The following SPACA7 variants were observed in gnomAD, a reference collection of about 807,000 sequenced individuals.
The protein encoded by SPACA7 is sperm acrosome associated 7.
In SPACA7, 19 loss-of-function variants were observed where a neutral mutation model predicts 26.3. That is an observed-to-expected ratio of 0.72 (90% confidence interval 0.50 to 1.06). The LOEUF is 1.06. SPACA7 is among the 50% of genes least tolerant of loss of function. The pLI is 0.00. For synonymous variants in SPACA7, 84 were observed against 84.5 expected, an observed-to-expected ratio of 0.99 and a Z score of 0.04; for missense variants, 211 against 229.9, an observed-to-expected ratio of 0.92 and a Z score of 0.53.
chr13:112,388,634 C>T (rs1261882373), intron 1 of SPACA7, among the ~76,000 whole-genome samples: 5 of 152,338 alleles, frequency 3.3e-5, no homozygotes, highest in Non-Finnish European at 7.4e-5. Flanking sequence ...AAATTTGTAA[C>T]CACCCAAGGG....
intron 5 of SPACA7, among the ~76,000 whole-genome samples, chr13:112,401,448 C>T (rs971846101): frequency 1.3e-5 from 2 of 152,092 alleles, no homozygotes; most frequent in African/African-American, 4.8e-5. Flanking sequence ...GGTCTTTTAG[C>T]CTCATTTCTC....
At chr13:112,408,555 A>T (rs1482219924) in intron 5 of SPACA7, among the ~76,000 whole-genome samples, 1 of 94,032 alleles carries the variant, frequency 1.1e-5, no homozygotes, top group Non-Finnish European at 2.2e-5. Flanking sequence ...GAAAATCACA[A>T]GCATTCTTAT....
At chr13:112,395,021 G>T (rs1885145155) in intron 2 of SPACA7, among the ~76,000 whole-genome samples, 1 of 152,198 alleles carries the variant, frequency 6.6e-6, no homozygotes, top group Admixed American at 6.5e-5. Context: ...ACCCAGGCAG[G>T]CCAGGCCGAG....
chr13:112,397,776 C>T (rs7329064), intron 2 of SPACA7, among the ~76,000 whole-genome samples: 12,416 of 152,254 alleles, frequency 0.082, 1,101 homozygotes, highest in East Asian at 0.28. Flanking sequence ...GTGGGCCAAG[C>T]GTCCAGCCTT....
chr13:112,434,603 C>T lies in SPACA7; in HGVS notation c.*54C>T. 6.9e-7 allele frequency: 1 copy of T among 1,439,322 alleles called. No homozygotes were observed. The highest frequency in any genetic ancestry group is 9.6e-7 in the Non-Finnish European group (1 of 1,043,056). 89.2% of individuals were successfully genotyped at this position (1,439,322 alleles called of 1,614,324 possible). ...AGAGGAGCCTGCTAGAACCCCCACC[C>T]ACCAGCCTCCGGAACAGGGCACTTG... is the stretch of plus-strand genomic sequence containing the variant. On this transcript the variant is annotated 3_prime_UTR_variant, in exon 7 of 7. Transcript: ENST00000283550.
At chr13:112,393,772 G>A (rs1199441447) in intron 2 of SPACA7, among the ~76,000 whole-genome samples, 1 of 152,116 alleles carries the variant, frequency 6.6e-6, no homozygotes, top group Non-Finnish European at 1.5e-5. Context: ...CAGATCACGA[G>A]GTCAAGAGAC....
intron 2 of SPACA7, among the ~76,000 whole-genome samples, chr13:112,396,422 A>G (rs915679713): frequency 6.6e-6 from 1 of 151,962 alleles, no homozygotes; most frequent in African/African-American, 2.4e-5. Flanking sequence ...CCTTGGTGGA[A>G]GCTCTGTTAC....
At chr13:112,421,314 G>T (rs542621970) in intron 5 of SPACA7, among the ~76,000 whole-genome samples, 1 of 151,746 alleles carries the variant, frequency 6.6e-6, no homozygotes, top group South Asian at 2.1e-4. Context: ...TTTACATGAG[G>T]TGATAAATTA....
chr13:112,429,261 A>C (rs1235444631), intron 5 of SPACA7, among the ~76,000 whole-genome samples: 3 of 152,006 alleles, frequency 2.0e-5, no homozygotes, highest in African/African-American at 7.2e-5. Flanking sequence ...TTGTAGTTTC[A>C]GCTACTCAGG....
At chr13:112,383,674 A>T (rs1404406477) in intron 1 of SPACA7, among the ~76,000 whole-genome samples, 5 of 152,212 alleles carry the variant, frequency 3.3e-5, no homozygotes, top group Admixed American at 3.3e-4. Context: ...TTAGAAAGTG[A>T]CATTTTTTAT....
At chr13:112,383,151 AAGAAAGAAAGAAAGAAAGAAAGAAAG>A (rs1884276541) in intron 1 of SPACA7, among the ~76,000 whole-genome samples, 5 of 131,234 alleles carry the variant, frequency 3.8e-5, no homozygotes, top group African/African-American at 6.4e-5. Context: ...GAAAGAAAGA[AAGAAAGAAAGAAAGAAAGAAAGAAAG>A]AAAGAAAGAA....
intron 1 of SPACA7, among the ~76,000 whole-genome samples, chr13:112,385,329 A>T (rs543656987): frequency 3.6e-4 from 55 of 152,348 alleles, no homozygotes; most frequent in Non-Finnish European, 6.8e-4. Flanking sequence ...TCTACCAAAA[A>T]CACGTTCCCT....
chr13:112,432,120 C>A (rs1877206941), intron 5 of SPACA7, among the ~76,000 whole-genome samples: 1 of 152,116 alleles, frequency 6.6e-6, no homozygotes, highest in South Asian at 2.1e-4. Flanking sequence ...AGTGGGGAGC[C>A]CTTAGGACAC....
chr13:112,417,658 G>A (rs1185132823), intron 5 of SPACA7, among the ~76,000 whole-genome samples: 3 of 151,960 alleles, frequency 2.0e-5, no homozygotes, highest in Non-Finnish European at 4.4e-5. Context: ...TGCTTTTTAA[G>A]TTCTTTCTCT....
intron 1 of SPACA7, among the ~76,000 whole-genome samples, chr13:112,392,011 T>C (rs1400375350): frequency 6.6e-6 from 1 of 152,204 alleles, no homozygotes; most frequent in Non-Finnish European, 1.5e-5. Context: ...AAATCAGCTT[T>C]GTCACTGGTT....
At chr13:112,381,493 CCAAAA>C (rs1566450797) in intron 1 of SPACA7, among the ~76,000 whole-genome samples, 4 of 142,606 alleles carry the variant, frequency 2.8e-5, no homozygotes, top group Non-Finnish European at 1.5e-5. Context: ...ACCCTGTCCC[CCAAAA>C]AAAAAAAAAA....
At chr13:112,390,114 G>A (rs1477341995) in intron 1 of SPACA7, among the ~76,000 whole-genome samples, 2 of 146,700 alleles carry the variant, frequency 1.4e-5, no homozygotes, top group Non-Finnish European at 3.1e-5. Flanking sequence ...GGGGCTGAGT[G>A]GGAAGAGAAG....
intron 1 of SPACA7, among the ~76,000 whole-genome samples, chr13:112,380,710 G>A (rs915054097): frequency 2.4e-4 from 37 of 151,720 alleles, no homozygotes; most frequent in East Asian, 5.8e-4. Context: ...CACTTTTTTC[G>A]TCAACAAAAA....
chr13:112,434,403 C>G, intron 6 of SPACA7, 82 bp from the exon 7 acceptor site: 2 of 1,202,090 alleles, frequency 1.7e-6, no homozygotes, highest in African/African-American at 1.5e-5. Flanking sequence ...CTCCTGTCCC[C>G]TGGTGTCCCT....
Sources: allele counts gnomAD v4.1 joint callset (sites outside exome capture counted in the v4.1 genomes callset), GRCh38; gene constraint gnomAD v4.1.1; transcripts MANE v1.5; gene names NCBI Gene and HGNC (gene_info 2026-07-23, HGNC 2026-07-21).